The following COP1 variants were observed in gnomAD, a reference collection of about 807,000 sequenced individuals.
COP1 encodes the protein COP1 E3 ubiquitin ligase.
In COP1, 24 loss-of-function variants were observed where a neutral mutation model predicts 101.3. That is an observed-to-expected ratio of 0.24 (90% CI 0.17 to 0.33). The LOEUF is 0.33. Ranked by LOEUF, COP1 falls within the 10% of genes least tolerant of loss-of-function variation. The pLI is 1.00. For synonymous variants in COP1, 347 were observed against 341.9 expected (o/e 1.01, Z -0.17); for missense variants, 663 against 906.2 (o/e 0.73, Z 3.45).
intron 2 of COP1, among the ~76,000 whole-genome samples, chr1:176,179,102 C>G (rs1444674141): frequency 6.6e-6 from 1 of 151,908 alleles, no homozygotes; most frequent in Non-Finnish European, 1.5e-5. Context: ...CCAGCCTGGG[C>G]AACATGGTGA....
At chr1:176,149,249 C>A (rs1260779669) in intron 5 of COP1, among the ~76,000 whole-genome samples, 175 bp from the exon 6 acceptor site, 1 of 151,996 alleles carries the variant, frequency 6.6e-6, no homozygotes, top group Non-Finnish European at 1.5e-5. Context: ...TTAAAAGAAT[C>A]AATTTTCTAT....
At position 176,131,135 on chromosome 1, in the gene COP1, G is replaced by C. The variant is rs1474820772; in HGVS notation, c.968+3875C>G. On this transcript the variant is annotated intron_variant, in intron 8 of 19. Transcript: ENST00000367669. ...CAATTTTAAAGCACAAAAACAATAGGCTGGGGCTAGGCAATTACGGAGGGT... is the reference window on the plus strand; with the variant it reads ...CAATTTTAAAGCACAAAAACAATAGCCTGGGGCTAGGCAATTACGGAGGGT... Among the ~76,000 whole-genome samples, 4 of 151,738 alleles carry C rather than the reference G, an allele frequency of 2.6e-5. No individual in the cohort carries two copies. The East Asian group carries it at 7.7e-4, about 29-fold the overall frequency.
At position 176,028,926 on chromosome 1, in the gene COP1, A is replaced by AT. The variant is rs1259916955; in HGVS notation, c.1613-1239dup. Among the ~76,000 whole-genome samples the AT allele has an allele frequency of 6.7e-5, 10 of 149,076 alleles. 1 individual carries two copies. Among genetic ancestry groups the AT allele is most frequent in the Admixed American group, 4.7e-4 (7 of 14,946 alleles). Reference sequence around the variant, plus strand: ...CACCAGGCCTAGCTACCTGTTTTCTATTTTTTTTGTAAAGACAGGGTTTCA... The same window carrying AT: ...CACCAGGCCTAGCTACCTGTTTTCTATTTTTTTTTGTAAAGACAGGGTTTCA... On this transcript the variant is annotated intron_variant, in intron 14 of 19. Coordinates refer to ENST00000367669, the MANE Select transcript of COP1 (RefSeq NM_022457.7).
At chr1:175,997,056 G>C (rs1660342576) in intron 15 of COP1, among the ~76,000 whole-genome samples, 1 of 150,980 alleles carries the variant, frequency 6.6e-6, no homozygotes, top group Non-Finnish European at 1.5e-5. Flanking sequence ...CAGAGATATA[G>C]ATCAATGGAA....
At chr1:176,000,922 T>G (rs1661452217) in intron 15 of COP1, among the ~76,000 whole-genome samples, 1 of 152,074 alleles carries the variant, frequency 6.6e-6, no homozygotes, top group Admixed American at 6.6e-5. Context: ...TAATTTAATT[T>G]CAATACTATG....
At chr1:176,193,665 G>A (rs1245808196) in intron 1 of COP1, among the ~76,000 whole-genome samples, 3 of 152,124 alleles carry the variant, frequency 2.0e-5, no homozygotes, top group African/African-American at 4.8e-5. Flanking sequence ...CAACATGGAT[G>A]AGCCTTAGAA....
intron 9 of COP1, among the ~76,000 whole-genome samples, chr1:176,093,001 C>T (rs1315080228): frequency 2.0e-5 from 3 of 152,128 alleles, no homozygotes; most frequent in Non-Finnish European, 2.9e-5. Flanking sequence ...GAATATTATA[C>T]GTCAGTGACA....
chr1:176,046,391 G>A (rs192390706), intron 11 of COP1, 67 bp from the exon 12 acceptor site: 8 of 1,443,988 alleles, frequency 5.5e-6, no homozygotes, highest in South Asian at 2.5e-5. Flanking sequence ...AAAGTAATTC[G>A]GTCTACAAGG....
chr1:175,983,504 C>T (rs1432580076), intron 18 of COP1, among the ~76,000 whole-genome samples: 3 of 152,156 alleles, frequency 2.0e-5, no homozygotes, highest in Non-Finnish European at 2.9e-5. Flanking sequence ...TTGTAAATTA[C>T]CCAGTCTTGA....
chr1:176,096,747 T>C (rs892077748), intron 9 of COP1, among the ~76,000 whole-genome samples: 9 of 152,236 alleles, frequency 5.9e-5, no homozygotes, highest in Non-Finnish European at 1.0e-4. Context: ...TGTAAAGTTT[T>C]AACTATGAAA....
chr1:176,189,678 A>G (rs1698895248), intron 1 of COP1, among the ~76,000 whole-genome samples: 2 of 151,908 alleles, frequency 1.3e-5, no homozygotes, highest in African/African-American at 4.8e-5. Flanking sequence ...AATGATGAAC[A>G]TAAATACAAA....
chr1:176,013,365 G>C (rs1665038241), intron 15 of COP1, among the ~76,000 whole-genome samples: 1 of 152,078 alleles, frequency 6.6e-6, no homozygotes, highest in Admixed American at 6.5e-5. Flanking sequence ...TCTAAAATAA[G>C]AGATAACTGG....
Position 176,099,090 on chromosome 1 carries a change from A to G in COP1, c.1027-13200T>C, listed in dbSNP as rs149171881. Reference sequence around the variant, plus strand: ...GTTATTGTAAACCACAGAGATAATCAAACTACTTTGTCAATTGTGCTTCTA... The same window carrying G: ...GTTATTGTAAACCACAGAGATAATCGAACTACTTTGTCAATTGTGCTTCTA... On this transcript the variant is annotated intron_variant, in intron 9 of 19. Coordinates refer to ENST00000367669, the MANE Select transcript of COP1 (RefSeq NM_022457.7). Among the ~76,000 whole-genome samples the G allele has an allele frequency of 9.3e-3, 1,413 of 152,312 alleles. 24 individuals carry two copies. Among genetic ancestry groups the G allele is most frequent in the African/African-American group, 0.032 (1,343 of 41,572 alleles).
chr1:176,173,603 GCACTC>G (rs1046665700), intron 3 of COP1, among the ~76,000 whole-genome samples: 3 of 150,662 alleles, frequency 2.0e-5, no homozygotes, highest in African/African-American at 7.3e-5. Flanking sequence ...TCGCACTACT[GCACTC>G]CAGCGGGTAA....
rs1558169769 is a variant in COP1 at position 175,967,284 on chromosome 1, CTACTG to C, written c.2133+19654_2133+19658del. On this transcript the variant is annotated intron_variant, in intron 18 of 19. Transcript: ENST00000367669. ...GCCTCAGCCTCCCAAAGTGATGGGA[CTACTG>C]GCGTGAGCCACCGCGCCGTTGAAAG... is the stretch of plus-strand genomic sequence containing the variant. 1.2e-4 allele frequency among the ~76,000 whole-genome samples: 19 copies of C among 152,260 alleles called. No individual in the cohort carries two copies. In the South Asian group the frequency reaches 3.9e-3, roughly 32 times the overall value.
chr1:176,022,494 GTAAAC>G (rs1202070304), intron 15 of COP1, among the ~76,000 whole-genome samples: 1 of 152,072 alleles, frequency 6.6e-6, no homozygotes, highest in Non-Finnish European at 1.5e-5. Flanking sequence ...GCTCTCAGTG[GTAAAC>G]TAAACAATAC....
chr1:176,063,647 T>C (rs1675380462), intron 11 of COP1, among the ~76,000 whole-genome samples: 1 of 152,108 alleles, frequency 6.6e-6, no homozygotes, highest in Non-Finnish European at 1.5e-5. Flanking sequence ...ACATCATTAG[T>C]GGTAGAAAAA....
At chr1:176,141,070 T>C (rs1690599786) in intron 6 of COP1, among the ~76,000 whole-genome samples, 1 of 152,244 alleles carries the variant, frequency 6.6e-6, no homozygotes, top group Non-Finnish European at 1.5e-5. Flanking sequence ...CTTTCATTAG[T>C]GCCTTGATAA....
At chr1:176,077,305 A>G (rs1678231848) in intron 11 of COP1, among the ~76,000 whole-genome samples, 1 of 152,220 alleles carries the variant, frequency 6.6e-6, no homozygotes, top group Admixed American at 6.5e-5. Context: ...ATTTGCCACA[A>G]TCAAGTATGC....
Sources: gnomAD v4.1 joint callset for allele counts (sites outside exome capture counted in the v4.1 genomes callset) on GRCh38, gnomAD v4.1.1 for gene constraint, MANE v1.5 for transcripts, NCBI Gene and HGNC (gene_info 2026-07-23, HGNC 2026-07-21) for gene names.